Variants in RYR2 observed in about 807,000 individuals in gnomAD.
RYR2 encodes cardiac muscle ryanodine receptor-calcium release channel.
Under a neutral mutation model 601.1 loss-of-function variants are expected in RYR2, and 227 were observed. The observed-to-expected ratio is 0.38, with a 90% CI of 0.34 to 0.42. The LOEUF (loss-of-function observed/expected upper bound fraction) is 0.42, where lower values mean the gene tolerates loss of function less well. RYR2 is among the 10% of genes least tolerant of loss of function. The pLI is 1.00. For missense variants in RYR2, 4,646 were observed against 6,156.5 expected (o/e 0.75, Z 8.21); for synonymous variants, 2,223 against 2,175.1 (o/e 1.02, Z -0.61).
rs1553504083 is a variant in RYR2 at position 237,566,641 on chromosome 1, A to G, written c.3289A>G (p.Lys1097Glu). ...CCGTGCCGAGAAGACCTATGCAGTG[A>G]AGGCCGGACGGTGGTATTTTGAATT... ...IFRAEKTYAVKAGRWYFEFET... is the reference protein window; with the variant it reads ...IFRAEKTYAVEAGRWYFEFET... Residue 1097 changes from lysine to glutamate, a missense_variant, in exon 28 of 105, where the codon AAG becomes GAG. Around this residue, in one of 17 missense-constraint regions of RYR2, gnomAD observed 1,807 missense variants for 2,088.1 expected, o/e 0.87. Transcript: ENST00000366574. 1.2e-6 allele frequency: 2 copies of G among 1,613,968 alleles called. No homozygotes were observed. The highest frequency in any genetic ancestry group is 1.7e-6 in the Non-Finnish European group (2 of 1,179,880).
At chr1:237,190,450 G>GT (rs1255214584) in intron 1 of RYR2, among the ~76,000 whole-genome samples, 2 of 152,066 alleles carry the variant, frequency 1.3e-5, no homozygotes, top group Admixed American at 6.6e-5. Context: ...CAAAATCAGG[G>GT]TTTTTTGGTT....
At chr1:237,813,004 C>A (rs1218229803) in intron 100 of RYR2, among the ~76,000 whole-genome samples, 2 of 151,926 alleles carry the variant, frequency 1.3e-5, no homozygotes, top group Non-Finnish European at 2.9e-5. Flanking sequence ...ACATGCAACA[C>A]TTTACCCCCT....
intron 80 of RYR2, among the ~76,000 whole-genome samples, chr1:237,743,442 A>T (rs1032358839): frequency 4.6e-5 from 7 of 152,180 alleles, no homozygotes; most frequent in Non-Finnish European, 7.4e-5. Context: ...CTATTCTCAA[A>T]GTCATCTTTA....
intron 10 of RYR2, among the ~76,000 whole-genome samples, chr1:237,390,175 C>CAAT (rs1558737211): frequency 6.6e-6 from 1 of 151,814 alleles, no homozygotes; most frequent in African/African-American, 2.4e-5. Context: ...TTATAAGAGA[C>CAAT]CATGCCAGAG....
chr1:237,531,892 A>G (rs1668172205), intron 25 of RYR2, among the ~76,000 whole-genome samples: 2 of 152,198 alleles, frequency 1.3e-5, no homozygotes, highest in African/African-American at 2.4e-5. Flanking sequence ...TGTAAAAATG[A>G]TATAAAAATG....
At chr1:237,798,401 G>A (rs1197806919) in intron 97 of RYR2, among the ~76,000 whole-genome samples, 1 of 97,462 alleles carries the variant, frequency 1.0e-5, no homozygotes, top group African/African-American at 3.4e-5. Context: ...ATTTATAAGA[G>A]AACAGAAAGA....
chr1:237,202,620 C>G (rs1681322911), intron 1 of RYR2, among the ~76,000 whole-genome samples: 2 of 152,150 alleles, frequency 1.3e-5, no homozygotes, highest in Non-Finnish European at 2.9e-5. Context: ...GTTGGCTAGG[C>G]TGGTCTTGAA....
At chr1:237,749,954 C>T (rs928948264) in intron 80 of RYR2, among the ~76,000 whole-genome samples, 5 of 151,842 alleles carry the variant, frequency 3.3e-5, no homozygotes, top group African/African-American at 1.2e-4. Flanking sequence ...AAGACCAGCC[C>T]AGGCAACATG....
At chr1:237,403,581 A>C (rs1703584295) in intron 10 of RYR2, among the ~76,000 whole-genome samples, 1 of 152,096 alleles carries the variant, frequency 6.6e-6, no homozygotes, top group Non-Finnish European at 1.5e-5. Flanking sequence ...GTGTGCCACC[A>C]TGCCTGGCTA....
intron 1 of RYR2, among the ~76,000 whole-genome samples, chr1:237,188,564 TTTTTTC>T (rs1358354200): frequency 6.6e-6 from 1 of 152,180 alleles, no homozygotes; most frequent in African/African-American, 2.4e-5. Context: ...TGGATTCTTT[TTTTTTC>T]TTTTTCTTTT....
rs556476660 is a variant in RYR2 at position 237,137,666 on chromosome 1, A to C, written c.48+95097A>C. Among the ~76,000 whole-genome samples the C allele has an allele frequency of 7.9e-5, 12 of 152,334 alleles. No homozygotes were observed. In the East Asian group the frequency reaches 2.3e-3, roughly 29 times the overall value. ...AGATGTGCGACGTGGCATCCATTTG[A>C]ATAAGTAGGAAGGATCAAAGGAAGA... On this transcript the variant is annotated intron_variant, in intron 1 of 104. Transcript: ENST00000366574.
At chr1:237,617,015 G>A (rs1038054850) in intron 37 of RYR2, among the ~76,000 whole-genome samples, 1 of 151,966 alleles carries the variant, frequency 6.6e-6, no homozygotes, top group African/African-American at 2.4e-5. Context: ...TGACATGTGG[G>A]GGTTATTACA....
intron 71 of RYR2, among the ~76,000 whole-genome samples, chr1:237,716,711 T>C (rs1480770563): frequency 6.6e-6 from 1 of 151,968 alleles, no homozygotes; most frequent in Non-Finnish European, 1.5e-5. Flanking sequence ...TTGCAGACTG[T>C]ATAAAAGAAA....
intron 29 of RYR2, among the ~76,000 whole-genome samples, chr1:237,581,534 TA>T (rs1250508005): frequency 6.6e-6 from 1 of 151,796 alleles, no homozygotes; most frequent in East Asian, 1.9e-4. Flanking sequence ...GCTGCTGTTT[TA>T]GAAAAAAAAA....
At chr1:237,656,014 T>C in intron 53 of RYR2, 30 bp downstream of exon 53, 1 of 1,604,816 alleles carries the variant, frequency 6.2e-7, no homozygotes, top group Non-Finnish European at 8.5e-7. Flanking sequence ...CAGCAGATTT[T>C]TATTGTAAAT....
intron 2 of RYR2, among the ~76,000 whole-genome samples, chr1:237,295,931 G>C (rs1257310533): frequency 6.6e-6 from 1 of 152,180 alleles, no homozygotes; most frequent in Non-Finnish European, 1.5e-5. Flanking sequence ...AGTAGATAAA[G>C]ACAGGAAATA....
chr1:237,249,539 C>G (rs1430560072), intron 1 of RYR2, among the ~76,000 whole-genome samples: 1 of 152,100 alleles, frequency 6.6e-6, no homozygotes, highest in African/African-American at 2.4e-5. Context: ...AGTTAAGGAG[C>G]AAGTGTAGAT....
chr1:237,190,822 A>G (rs971010521), intron 1 of RYR2, among the ~76,000 whole-genome samples: 3 of 152,174 alleles, frequency 2.0e-5, no homozygotes, highest in Non-Finnish European at 4.4e-5. Context: ...ATGCCGAGGG[A>G]TGACTATATA....
intron 16 of RYR2, among the ~76,000 whole-genome samples, chr1:237,460,705 A>T (rs1380989592): frequency 6.6e-6 from 1 of 152,134 alleles, no homozygotes; most frequent in East Asian, 1.9e-4. Context: ...CTCCTCTTTC[A>T]TTAGGTTCCT....
Sources: gnomAD v4.1 joint callset for allele counts (sites outside exome capture counted in the v4.1 genomes callset) on GRCh38, gnomAD v4.1.1 for gene constraint, gnomAD v4.1.1 regional missense constraint, MANE v1.5 for transcripts, NCBI Gene and HGNC (gene_info 2026-07-23, HGNC 2026-07-21) for gene names.